Variants in XRCC2 observed in about 807,000 individuals in gnomAD.
The protein encoded by XRCC2 is X-ray repair cross complementing 2.
In XRCC2, 24 loss-of-function variants were observed where a neutral mutation model predicts 27.3. The ratio of observed to expected loss-of-function variants is 0.88; its 90% CI spans 0.64 to 1.24. XRCC2 has a LOEUF of 1.24. XRCC2 is among the 50% of genes most tolerant of loss of function. XRCC2 has a pLI of 0.00. For synonymous variants in XRCC2, 106 were observed against 115.4 expected (o/e 0.92, Z 0.52); for missense variants, 321 against 325.8 (o/e 0.99, Z 0.11).
intron 2 of XRCC2, among the ~76,000 whole-genome samples, chr7:152,657,425 G>A (rs943302797): frequency 5.3e-5 from 8 of 151,520 alleles, no homozygotes; most frequent in Non-Finnish European, 1.2e-4. Context: ...TCAGCCCCCC[G>A]AGTAGCTGGG....
rs1669038492 is a variant in XRCC2 at position 152,646,167 on chromosome 7, G to C, written c.*2475C>G. Reference sequence around the variant, plus strand: ...AGTGGTTAAGAAATCAAAAGGTGCAGACCCTTTATCAATGTCTAATGTTGA... The same window carrying C: ...AGTGGTTAAGAAATCAAAAGGTGCACACCCTTTATCAATGTCTAATGTTGA... On this transcript the variant is annotated 3_prime_UTR_variant, in exon 3 of 3. Coordinates refer to ENST00000359321, the MANE Select transcript of XRCC2 (RefSeq NM_005431.2). 6.6e-6 allele frequency: 1 copy of C among 152,176 alleles called. No homozygotes were observed. Among genetic ancestry groups the C allele is most frequent in the Non-Finnish European group, 1.5e-5 (1 of 68,042 alleles). The allele number at this position is 152,176 out of a possible 1,614,324, so 9.4% of individuals were successfully genotyped here. A position where few individuals can be genotyped will look rare whatever the true frequency, so the allele number is the denominator to read the frequency against.
At chr7:152,658,965 C>T (rs1026337049) in intron 2 of XRCC2, among the ~76,000 whole-genome samples, 2 of 152,222 alleles carry the variant, frequency 1.3e-5, no homozygotes, top group African/African-American at 4.8e-5. Flanking sequence ...ATCCTACTTT[C>T]AATTCTTTTG....
Position 152,648,574 on chromosome 7 carries a change from A to G in XRCC2, c.*68T>C. ...GCACTCCAGCCTGGGAGACAGAGCA[A>G]GACTCTGTCTTAAGAAAAATTTTAA... On this transcript the variant is annotated 3_prime_UTR_variant, in exon 3 of 3. Coordinates refer to ENST00000359321, the MANE Select transcript of XRCC2 (RefSeq NM_005431.2). 1 of 1,476,452 alleles carries G rather than the reference A, an allele frequency of 6.8e-7. No individual in the cohort carries two copies. Among genetic ancestry groups the G allele is most frequent in the South Asian group, 1.4e-5 (1 of 72,562 alleles). The allele number at this position is 1,476,452 out of a possible 1,614,324, so 91.5% of individuals were successfully genotyped here.
intron 1 of XRCC2, among the ~76,000 whole-genome samples, chr7:152,666,619 T>TC: frequency 7.1e-6 from 1 of 140,170 alleles, no homozygotes; most frequent in East Asian, 2.2e-4. Context: ...ACAGATTCTT[T>TC]ATTTTTTTTT....
At chr7:152,665,869 A>G (rs1036197911) in intron 1 of XRCC2, among the ~76,000 whole-genome samples, 13 of 152,134 alleles carry the variant, frequency 8.5e-5, no homozygotes, top group African/African-American at 2.9e-4. Flanking sequence ...ACCAAGAAGA[A>G]TATCTATAAT....
At position 152,648,845 on chromosome 7, in the gene XRCC2, G is replaced by A. The variant is rs1200646566; in HGVS notation, c.640C>T (p.Arg214Ter). The stretch of plus-strand genomic sequence containing the variant: ...TCTATGTCCACATCACACAGTCGTC[G>A]AGAGGCATGAGAAGGTTCTTCTGAT... ...SSSEEPSHAS[R>*]RLCDVDIDYR... is the part of the protein sequence containing the mutation. The change falls in exon 3 of 3, where the codon CGA (arginine) becomes TGA (stop). Residue 214 changes from arginine to a stop codon, truncating the protein, a stop_gained. Transcript: ENST00000359321. LOFTEE classifies it high-confidence loss of function. The A allele has an allele frequency of 5.0e-6, 8 of 1,613,688 alleles. No homozygotes were observed. Among genetic ancestry groups the A allele is most frequent in the African/African-American group, 1.3e-5 (1 of 74,896 alleles).
chr7:152,653,553 AGG>A (rs1463170190), intron 2 of XRCC2, among the ~76,000 whole-genome samples: 1 of 152,022 alleles, frequency 6.6e-6, no homozygotes. Context: ...TCCGCCTCCC[AGG>A]CTCAAGCCAT....
intron 1 of XRCC2, among the ~76,000 whole-genome samples, chr7:152,674,291 A>G (rs1419883513): frequency 6.6e-6 from 1 of 152,046 alleles, no homozygotes; most frequent in Non-Finnish European, 1.5e-5. Flanking sequence ...AAATCATCGG[A>G]CCTTAACCTG....
rs183184984 is a variant in XRCC2, at chr7:152,649,578, G to A, written c.122-215C>T. Among the ~76,000 whole-genome samples the A allele has an allele frequency of 3.2e-3, 483 of 152,232 alleles. 1 individual carries two copies. Among genetic ancestry groups the A allele is most frequent in the Admixed American group, 7.0e-3 (107 of 15,294 alleles). ...GGAAGAGGCTAGGGGACTCTCCTCC[G>A]GCCAGGCTCACATGCACTCCCACTT... On this transcript the variant is annotated intron_variant, in intron 2 of 2. Transcript: ENST00000359321.
intron 1 of XRCC2, among the ~76,000 whole-genome samples, chr7:152,675,240 T>A (rs1276882350): frequency 6.6e-6 from 1 of 152,138 alleles, no homozygotes; most frequent in African/African-American, 2.4e-5. Context: ...GCTCTGAATG[T>A]CATCCTCTCC....
At chr7:152,652,438 C>T (rs1342443151) in intron 2 of XRCC2, among the ~76,000 whole-genome samples, 1 of 152,012 alleles carries the variant, frequency 6.6e-6, no homozygotes, top group African/African-American at 2.4e-5. Context: ...GCAAATCCTC[C>T]CTCTCCTGCT....
At position 152,649,122 on chromosome 7, in the gene XRCC2, A is replaced by G. The variant is rs2098027404; in HGVS notation, c.363T>C (p.Ser121=). The change falls in exon 3 of 3, where the codon AGT becomes AGC. Residue 121 remains serine, a synonymous_variant. Coordinates refer to ENST00000359321, the MANE Select transcript of XRCC2 (RefSeq NM_005431.2). ...CLGRFFLVYC[S]SSTHLLLTLY... ...GTGTAAGAAGTAAGTGGGTGCTACT[A>G]CTGCAGTACACCAAAAAAAATCTTC... 1.2e-6 allele frequency: 2 copies of G among 1,613,792 alleles called. No homozygotes were observed. The highest frequency in any genetic ancestry group is 1.7e-6 in the Non-Finnish European group (2 of 1,179,968).
At chr7:152,670,647 G>A (rs1209258131) in intron 1 of XRCC2, among the ~76,000 whole-genome samples, 1 of 151,782 alleles carries the variant, frequency 6.6e-6, no homozygotes, top group Non-Finnish European at 1.5e-5. Context: ...CACCCAGGCT[G>A]GAGTGCAGTG....
At chr7:152,661,010 C>A (rs1047215835) in intron 1 of XRCC2, among the ~76,000 whole-genome samples, 5 of 152,040 alleles carry the variant, frequency 3.3e-5, no homozygotes, top group African/African-American at 9.7e-5. Flanking sequence ...ACAAAAAATA[C>A]AAAAATTATC....
In XRCC2 at chr7:152,660,774, G is replaced by A. The variant is rs2098032768; in HGVS notation, c.48C>T (p.Ala16=). ...HRAESGTELL[A]RLEGRSSLKE... ...TCAAGGAACTTCTACCTTCAAGTCGGGCAAGGAGCTTATAAAAGAAGAGAG... is the reference window on the plus strand; with the variant it reads ...TCAAGGAACTTCTACCTTCAAGTCGAGCAAGGAGCTTATAAAAGAAGAGAG... Residue 16 remains alanine, a synonymous_variant, in exon 2 of 3, where the codon GCC becomes GCT. Transcript: ENST00000359321. 1 of 1,610,966 alleles carries A rather than the reference G, an allele frequency of 6.2e-7. No homozygotes were observed. Among genetic ancestry groups the A allele is most frequent in the South Asian group, 1.1e-5 (1 of 90,324 alleles).
At chr7:152,665,517 G>C (rs1248987579) in intron 1 of XRCC2, among the ~76,000 whole-genome samples, 2 of 86,764 alleles carry the variant, frequency 2.3e-5, no homozygotes, top group African/African-American at 8.3e-5. Flanking sequence ...TTTTAGACAG[G>C]GTCTTACTCC....
intron 1 of XRCC2, among the ~76,000 whole-genome samples, chr7:152,673,223 C>T (rs921879873): frequency 3.9e-5 from 6 of 152,078 alleles, no homozygotes; most frequent in Admixed American, 6.6e-5. Flanking sequence ...TGCTCTGTCA[C>T]CCAGGCTGGA....
chr7:152,660,198 T>C (rs1563029941), intron 2 of XRCC2, among the ~76,000 whole-genome samples: 1 of 152,140 alleles, frequency 6.6e-6, no homozygotes, highest in African/African-American at 2.4e-5. Context: ...TAAAATGCTC[T>C]AAAGTCAGCT....
chr7:152,660,347 C>T (rs1005687583), intron 2 of XRCC2, among the ~76,000 whole-genome samples: 12 of 152,204 alleles, frequency 7.9e-5, no homozygotes, highest in Non-Finnish European at 1.0e-4. Context: ...TAAGTTTTCC[C>T]TGTTGTAGAA....
Sources: allele counts gnomAD v4.1 joint callset (sites outside exome capture counted in the v4.1 genomes callset), GRCh38; gene constraint gnomAD v4.1.1; transcripts MANE v1.5; gene names NCBI Gene and HGNC (gene_info 2026-07-23, HGNC 2026-07-21).